The following EPAS1 variants were observed in gnomAD, a reference collection of about 807,000 sequenced individuals.
The protein encoded by EPAS1 is endothelial PAS domain protein 1.
A neutral mutation model predicts 87.9 loss-of-function variants in EPAS1; 23 were observed. That is an observed-to-expected ratio of 0.26 (90% CI 0.19 to 0.37). EPAS1 has a LOEUF of 0.37. Ranked by LOEUF, EPAS1 falls within the 10% of genes least tolerant of loss-of-function variation. The pLI is 1.00. For synonymous variants in EPAS1, 508 were observed against 444.3 expected (o/e 1.14, Z -1.80); for missense variants, 1,138 against 1,120.7 (o/e 1.02, Z -0.22).
chr2:46,376,532 C>A lies in EPAS1; in HGVS notation c.1035-7C>A, dbSNP rs7557402. The A allele has an allele frequency of 1.6e-5, 26 of 1,613,504 alleles. No individual in the cohort carries two copies. Among genetic ancestry groups the A allele is most frequent in the African/African-American group, 5.3e-5 (4 of 74,792 alleles). ...GAAAGTCTGAATGGCTCTTTCCCCC[C>A]CATTAGTGAGATTGAGAAGAATGAC... is the stretch of plus-strand genomic sequence containing the variant. On this transcript the variant is annotated splice_region_variant and splice_polypyrimidine_tract_variant and intron_variant, in intron 8 of 15. Coordinates refer to ENST00000263734, the MANE Select transcript of EPAS1 (RefSeq NM_001430.5).
At chr2:46,352,830 C>T (rs144020879) in intron 2 of EPAS1, among the ~76,000 whole-genome samples, 39 of 152,348 alleles carry the variant, frequency 2.6e-4, no homozygotes, top group Non-Finnish European at 4.9e-4. Context: ...TGTTACCCTT[C>T]GTGGCCCTAG....
intron 2 of EPAS1, among the ~76,000 whole-genome samples, chr2:46,354,251 A>T (rs1454437504): frequency 6.6e-6 from 1 of 152,202 alleles, no homozygotes; most frequent in South Asian, 2.1e-4. Context: ...TGCATTCTAC[A>T]TTCCTTAGAA....
intron 9 of EPAS1, 29 bp downstream of exon 9, chr2:46,376,782 C>T: frequency 6.2e-7 from 1 of 1,610,204 alleles, no homozygotes; most frequent in Admixed American, 1.7e-5. Context: ...AGCCAGGCCC[C>T]TGGAACCCCG....
chr2:46,327,295 G>A (rs966522573), intron 1 of EPAS1, among the ~76,000 whole-genome samples: 1 of 152,202 alleles, frequency 6.6e-6, no homozygotes, highest in Non-Finnish European at 1.5e-5. Flanking sequence ...GCCTCAAGGA[G>A]CTATAATCTA....
Position 46,385,920 on chromosome 2 carries a change from T to G in EPAS1, c.*1260T>G, listed in dbSNP as rs148215665. 1 of 152,324 alleles carries G rather than the reference T, an allele frequency of 6.6e-6. No homozygotes were observed. Among genetic ancestry groups the G allele is most frequent in the South Asian group, 2.1e-4 (1 of 4,832 alleles). 9.4% of individuals were successfully genotyped at this position (152,324 alleles called of 1,614,324 possible). A position where few individuals can be genotyped will look rare whatever the true frequency, so the allele number is the denominator to read the frequency against. The stretch of plus-strand genomic sequence containing the variant: ...TGCAAATGAGGGGTCAAAAATGGTA[T>G]AGTGACCCCGTCCACGTCCTCCAAG... On this transcript the variant is annotated 3_prime_UTR_variant, in exon 16 of 16. Coordinates refer to ENST00000263734, the MANE Select transcript of EPAS1 (RefSeq NM_001430.5).
intron 1 of EPAS1, among the ~76,000 whole-genome samples, chr2:46,337,836 C>T (rs975326863): frequency 2.0e-5 from 3 of 152,144 alleles, no homozygotes; most frequent in South Asian, 2.1e-4. Context: ...CTGTAGACTC[C>T]GCAAGCAAAG....
Position 46,347,392 on chromosome 2 carries a change from C to T in EPAS1, c.217+329C>T. On this transcript the variant is annotated intron_variant, in intron 2 of 15. Transcript: ENST00000263734. The surrounding 1 kb of genome is among the most constrained non-coding windows in gnomAD (Gnocchi z 4.2). Reference sequence around the variant, plus strand: ...TTTGTTGCCATCTGGCCATAAGACCCATCCTCCACACTAGATTGAGTCCGC... The same window carrying T: ...TTTGTTGCCATCTGGCCATAAGACCTATCCTCCACACTAGATTGAGTCCGC... 7.1e-6 allele frequency: 3 copies of T among 420,702 alleles called. No homozygotes were observed. Among genetic ancestry groups the T allele is most frequent in the Non-Finnish European group, 1.3e-5 (3 of 223,094 alleles). 26.1% of individuals were successfully genotyped at this position (420,702 alleles called of 1,614,324 possible).
At chr2:46,313,190 A>G (rs1258801156) in intron 1 of EPAS1, among the ~76,000 whole-genome samples, 1 of 152,212 alleles carries the variant, frequency 6.6e-6, no homozygotes, top group Non-Finnish European at 1.5e-5. Context: ...TGGCTGTGCT[A>G]CATACTGACC....
chr2:46,366,152 C>T (rs375445412), intron 6 of EPAS1, among the ~76,000 whole-genome samples: 4 of 152,306 alleles, frequency 2.6e-5, no homozygotes, highest in African/African-American at 4.8e-5. Context: ...CGGGTGCTGG[C>T]GATTACATGC....
chr2:46,380,855 A>T lies in EPAS1; in HGVS notation c.2045+138A>T. On this transcript the variant is annotated intron_variant, in intron 12 of 15. Transcript: ENST00000263734. The surrounding 1 kb of genome is among the most constrained non-coding windows in gnomAD (Gnocchi z 4.4). ...CCATTTAGCCCTTCTCTGAGCTCAG[A>T]CTTTGGGGAATCACCTCAAGCCATG... is the stretch of plus-strand genomic sequence containing the variant. 6.8e-7 allele frequency: 1 copy of T among 1,460,488 alleles called. No homozygotes were observed. Among genetic ancestry groups the T allele is most frequent in the Non-Finnish European group, 9.4e-7 (1 of 1,068,910 alleles). The allele number at this position is 1,460,488 out of a possible 1,614,324, so 90.5% of individuals were successfully genotyped here. A position where few individuals can be genotyped will look rare whatever the true frequency, so the allele number is the denominator to read the frequency against.
At chr2:46,372,039 G>A (rs1457855817) in intron 7 of EPAS1, among the ~76,000 whole-genome samples, 3 of 152,166 alleles carry the variant, frequency 2.0e-5, no homozygotes, top group African/African-American at 4.8e-5. Context: ...GATAAAAATG[G>A]TTTATGTTTT....
chr2:46,382,738 C>A, intron 15 of EPAS1, 140 bp downstream of exon 15: 2 of 1,157,992 alleles, frequency 1.7e-6, no homozygotes, highest in Non-Finnish European at 2.5e-6. Flanking sequence ...GGGCTCAGGT[C>A]TCCTTGGATT....
At chr2:46,378,902 TA>T in intron 11 of EPAS1, 135 bp downstream of exon 11, 1 of 819,012 alleles carries the variant, frequency 1.2e-6, no homozygotes, top group Non-Finnish European at 2.1e-6. Context: ...CCAGGTCCCC[TA>T]AAGAGGTAGG....
intron 2 of EPAS1, among the ~76,000 whole-genome samples, chr2:46,350,359 A>G (rs1684123651): frequency 6.6e-6 from 1 of 152,212 alleles, no homozygotes; most frequent in Non-Finnish European, 1.5e-5. Context: ...AAAAAATACC[A>G]GGTTTTTCTT....
In EPAS1 at chr2:46,360,914, C is replaced by G. The variant is rs1229658746; in HGVS notation, c.603C>G (p.Val201=). The stretch of plus-strand genomic sequence containing the variant: ...TGCACTGCACGGGCCAGGTGAAAGT[C>G]TACAACAACTGCCCTCCTCACAATA... ...KVLHCTGQVK[V]YNNCPPHNSL... is the part of the protein sequence containing the mutation. Residue 201 remains valine, a synonymous_variant, in exon 6 of 16, where the codon GTC becomes GTG. Coordinates refer to ENST00000263734, the MANE Select transcript of EPAS1 (RefSeq NM_001430.5). This position sits in a 1 kb window ranked among gnomAD's most constrained non-coding sequence, Gnocchi z 4.5. The G allele has an allele frequency of 6.2e-7, 1 of 1,614,220 alleles. No individual in the cohort carries two copies.
At chr2:46,363,277 TG>T (rs1684439516) in intron 6 of EPAS1, among the ~76,000 whole-genome samples, 1 of 152,130 alleles carries the variant, frequency 6.6e-6, no homozygotes, top group Admixed American at 6.5e-5. Flanking sequence ...TATATAGTGC[TG>T]GGGATGATGA....
intron 2 of EPAS1, among the ~76,000 whole-genome samples, chr2:46,349,194 C>T (rs748316894): frequency 8.5e-5 from 13 of 152,106 alleles, no homozygotes; most frequent in Non-Finnish European, 8.8e-5. Flanking sequence ...TGGGGGCCAG[C>T]GTGATGGGGA....
intron 13 of EPAS1, 78 bp from the exon 14 acceptor site, chr2:46,381,897 A>C: frequency 7.3e-7 from 1 of 1,376,494 alleles, no homozygotes. Flanking sequence ...GCCCTGTTCC[A>C]GGCCCACCCA....
intron 3 of EPAS1, 96 bp downstream of exon 3, chr2:46,356,398 C>A: frequency 6.6e-7 from 1 of 1,505,686 alleles, no homozygotes; most frequent in Non-Finnish European, 9.2e-7. Context: ...CTTGACCTCT[C>A]CCTGCAAATG....
Sources: allele counts gnomAD v4.1 joint callset (sites outside exome capture counted in the v4.1 genomes callset), GRCh38; gene constraint gnomAD v4.1.1; non-coding constraint Gnocchi (gnomAD v3.1); transcripts MANE v1.5; gene names NCBI Gene and HGNC (gene_info 2026-07-23, HGNC 2026-07-21).